Variants in AP5B1 observed in about 807,000 individuals in gnomAD.
The protein encoded by AP5B1 is adaptor related protein complex 5 subunit beta 1, also known as AP-5 complex subunit beta-1.
In AP5B1, 3 loss-of-function variants were observed where a neutral mutation model predicts 5.7. The observed-to-expected ratio is 0.53, with a 90% confidence interval of 0.24 to 1.36. AP5B1 has a LOEUF of 1.36. Ranked by LOEUF, AP5B1 falls within the 40% of genes most tolerant of loss-of-function variation. AP5B1 has a pLI of 0.17. For synonymous variants in AP5B1, 696 were observed against 555.5 expected (o/e 1.25, Z -3.56); for missense variants, 1,310 against 1,143.2 (o/e 1.15, Z -2.10).
chr11:65,779,172 GGTAGTGCC>G lies in AP5B1; in HGVS notation c.1313_1320del (p.Arg438ProfsTer74). On this transcript the variant is annotated frameshift_variant, in exon 2 of 2. Coordinates refer to ENST00000532090, the MANE Select transcript of AP5B1 (RefSeq NM_138368.5). LOFTEE classifies it low-confidence loss of function (END_TRUNC). ...CGCAAGCCAGCCAGCAGCTCTTCCAGGTAGTGCCGTGGGCTTGGAAGCTGGCCTTTCTC... is the reference window on the plus strand; with the variant it reads ...CGCAAGCCAGCCAGCAGCTCTTCCAGGTGGGCTTGGAAGCTGGCCTTTCTC... 6.2e-7 allele frequency: 1 copy of G among 1,611,572 alleles called. No homozygotes were observed. Among genetic ancestry groups the G allele is most frequent in the Non-Finnish European group, 8.5e-7 (1 of 1,179,234 alleles).
At position 65,780,110 on chromosome 11, in the gene AP5B1, G is replaced by T; in HGVS notation, c.383C>A (p.Ala128Asp). ...CRLLPLLLGL[A>D]AGSDLGRGFV... The stretch of plus-strand genomic sequence containing the variant: ...GCCTCGCCCCAGATCGCTACCCGCG[G>T]CCAGGCCGAGCAGTAGGGGCAGGAG... Residue 128 changes from alanine (A) to aspartate (D), a missense_variant, in exon 2 of 2, where the codon GCC becomes GAC. Ala to Asp is a moderately radical substitution (Grantham distance 126). Coordinates refer to ENST00000532090, the MANE Select transcript of AP5B1 (RefSeq NM_138368.5). The T allele has an allele frequency of 1.3e-6, 2 of 1,507,708 alleles. No individual in the cohort carries two copies. The highest frequency in any genetic ancestry group is 8.9e-7 in the Non-Finnish European group (1 of 1,127,258). 93.4% of individuals were successfully genotyped at this position (1,507,708 alleles called of 1,614,324 possible).
rs1316989946 is a variant in AP5B1 at position 65,779,248 on chromosome 11, G to A, written c.1245C>T (p.Arg415=). 4 of 1,594,184 alleles carry A rather than the reference G, an allele frequency of 2.5e-6. No homozygotes were observed. In the African/African-American group the frequency reaches 4.0e-5, roughly 16 times the overall value. Reference sequence around the variant, plus strand: ...CACAGAGCAGGCACAGTAAATGCAGGCGGGCCAGGAGGGCCATTGGGTCAT... The same window carrying A: ...CACAGAGCAGGCACAGTAAATGCAGACGGGCCAGGAGGGCCATTGGGTCAT... ...LLHDPMALLA[R]LHLLCLLCAE... is the part of the protein sequence containing the mutation. Residue 415 remains arginine (R), a synonymous_variant, in exon 2 of 2, where the codon CGC becomes CGT. Coordinates refer to ENST00000532090, the MANE Select transcript of AP5B1 (RefSeq NM_138368.5).
At chr11:65,780,394 G>A in intron 1 of AP5B1, 48 bp downstream of exon 1, 1 of 1,466,706 alleles carries the variant, frequency 6.8e-7, no homozygotes, top group Non-Finnish European at 9.0e-7. Flanking sequence ...TGACGCGGCG[G>A]GCTGGGGTGA....
chr11:65,780,247 CA>C lies in AP5B1; in HGVS notation c.245del (p.Leu82TrpfsTer76). ...CTGAGGGCCGCGGGGGTAGGAGGACCAAGGTGTCCAACAGGGAGGTGGCGGC... is the reference window on the plus strand; with the variant it reads ...CTGAGGGCCGCGGGGGTAGGAGGACCAGGTGTCCAACAGGGAGGTGGCGGC... ...EVAATSLLDTLVLLPPRPSAL... is the reference protein window; with the variant it reads ...EVAATSLLDTXVLLPPRPSAL... On this transcript the variant is annotated frameshift_variant, in exon 2 of 2. Coordinates refer to ENST00000532090, the MANE Select transcript of AP5B1 (RefSeq NM_138368.5). LOFTEE classifies it low-confidence loss of function (END_TRUNC). 1 of 1,513,064 alleles carries C rather than the reference CA, an allele frequency of 6.6e-7. No individual in the cohort carries two copies. Among genetic ancestry groups the C allele is most frequent in the Non-Finnish European group, 8.8e-7 (1 of 1,134,942 alleles). 93.7% of individuals were successfully genotyped at this position (1,513,064 alleles called of 1,614,324 possible).
chr11:65,775,331 T>C lies in AP5B1; in HGVS notation c.*2525A>G, dbSNP rs568372728. 7.2e-5 allele frequency among the ~76,000 whole-genome samples: 11 copies of C among 152,186 alleles called. No individual in the cohort carries two copies. Among genetic ancestry groups the C allele is most frequent in the Non-Finnish European group, 1.5e-4 (10 of 68,042 alleles). On this transcript the variant is annotated 3_prime_UTR_variant, in exon 2 of 2. Transcript: ENST00000532090. ...TCCTTACATGGACCAGTTTCCTTATTCTTAGGCTAAGGATTAGCATCTCCA... is the reference window on the plus strand; with the variant it reads ...TCCTTACATGGACCAGTTTCCTTATCCTTAGGCTAAGGATTAGCATCTCCA...
Position 65,773,902 on chromosome 11 carries a change from G to C in AP5B1, c.*3954C>G, listed in dbSNP as rs565736071. Among the ~76,000 whole-genome samples, 3 of 152,184 alleles carry C rather than the reference G, an allele frequency of 2.0e-5. No individual in the cohort carries two copies. Among genetic ancestry groups the C allele is most frequent in the Non-Finnish European group, 4.4e-5 (3 of 68,028 alleles). The stretch of plus-strand genomic sequence containing the variant: ...AACCAAAAACAAAAAACCTTGTGCA[G>C]TTAGAACATAGTTTATTCATAAGTT... On this transcript the variant is annotated 3_prime_UTR_variant, in exon 2 of 2. Coordinates refer to ENST00000532090, the MANE Select transcript of AP5B1 (RefSeq NM_138368.5).
rs1857812180 is a variant in AP5B1, at chr11:65,779,326, G to C, written c.1167C>G (p.Ala389=). 1 of 1,597,828 alleles carries C rather than the reference G, an allele frequency of 6.3e-7. No individual in the cohort carries two copies. The highest frequency in any genetic ancestry group is 2.2e-5 in the East Asian group (1 of 44,710). Residue 389 remains alanine, a synonymous_variant, in exon 2 of 2, where the codon GCC becomes GCG. Transcript: ENST00000532090. ...WPLGPEGEEA[A]PLLLGPQLCR... ...ATAGCTGGGGCCCTAGCAGCAGTGG[G>C]GCAGCCTCCTCACCTTCAGGGCCCA...
rs1404775102 is a variant in AP5B1, at chr11:65,779,328, C to T, written c.1165G>A (p.Ala389Thr). 6.3e-7 allele frequency: 1 copy of T among 1,596,776 alleles called. No individual in the cohort carries two copies. The highest frequency in any genetic ancestry group is 1.3e-5 in the African/African-American group (1 of 74,818). ...AGCTGGGGCCCTAGCAGCAGTGGGG[C>T]AGCCTCCTCACCTTCAGGGCCCAGC... ...WPLGPEGEEAAPLLLGPQLCR... is the reference protein window; with the variant it reads ...WPLGPEGEEATPLLLGPQLCR... The change falls in exon 2 of 2, where the codon GCC becomes ACC. Residue 389 changes from alanine (A) to threonine (T), a missense_variant. By Grantham distance (58) the Ala-to-Thr change is moderately conservative. Transcript: ENST00000532090.
At position 65,779,784 on chromosome 11, in the gene AP5B1, G is replaced by A. The variant is rs1339757941; in HGVS notation, c.709C>T (p.Pro237Ser). The A allele has an allele frequency of 5.0e-6, 8 of 1,584,574 alleles. No individual in the cohort carries two copies. The highest frequency in any genetic ancestry group is 6.9e-6 in the Non-Finnish European group (8 of 1,165,920). ...LVEEGDGRLQPQAPSWPAAEE... is the reference protein window; with the variant it reads ...LVEEGDGRLQSQAPSWPAAEE... ...GCTGCCGGCCAGCTGGGTGCCTGGG[G>A]CTGAAGGCGTCCATCGCCCTCCTCC... Residue 237 changes from proline (P) to serine (S), a missense_variant, in exon 2 of 2, where the codon CCC becomes TCC. Transcript: ENST00000532090.
Position 65,778,271 on chromosome 11 carries a change from T to C in AP5B1, c.2222A>G (p.His741Arg), listed in dbSNP as rs962947768. 5 of 1,613,064 alleles carry C rather than the reference T, an allele frequency of 3.1e-6. No individual in the cohort carries two copies. Among genetic ancestry groups the C allele is most frequent in the South Asian group, 1.1e-5 (1 of 91,094 alleles). Residue 741 changes from histidine (H) to arginine (R), a missense_variant, in exon 2 of 2, where the codon CAT (histidine) becomes CGT (arginine). Coordinates refer to ENST00000532090, the MANE Select transcript of AP5B1 (RefSeq NM_138368.5). Reference protein sequence around the residue: ...RCPAPARLDVHALYTTSTGLT... With the variant: ...RCPAPARLDVRALYTTSTGLT... ...ACCAGTGGATGTGGTGTAAAGGGCATGGACATCCAGCCGTGCGGGGGCCGG... is the reference window on the plus strand; with the variant it reads ...ACCAGTGGATGTGGTGTAAAGGGCACGGACATCCAGCCGTGCGGGGGCCGG...
At position 65,779,211 on chromosome 11, in the gene AP5B1, C is replaced by A. The variant is rs749879026; in HGVS notation, c.1282G>T (p.Glu428Ter). Reference sequence around the variant, plus strand: ...CTTGGAAGCTGGCCTTTCTCCTCTTCTTCCTCCTCGGCACAGAGCAGGCAC... The same window carrying A: ...CTTGGAAGCTGGCCTTTCTCCTCTTATTCCTCCTCGGCACAGAGCAGGCAC... ...LLCLLCAEEEEEEKGQLPSPR... is the reference protein window; with the variant it reads ...LLCLLCAEEE The change falls in exon 2 of 2, where the codon GAA (glutamate) becomes TAA (stop). Residue 428 changes from glutamate (E) to a stop codon, truncating the protein, a stop_gained. Coordinates refer to ENST00000532090, the MANE Select transcript of AP5B1 (RefSeq NM_138368.5). LOFTEE classifies it low-confidence loss of function (END_TRUNC). 1.4e-5 allele frequency: 23 copies of A among 1,605,102 alleles called. No homozygotes were observed. In the Admixed American group the frequency reaches 1.7e-4, roughly 12 times the overall value.
chr11:65,773,930 G>A lies in AP5B1; in HGVS notation c.*3926C>T, dbSNP rs772152705. ...AGAACATAGTTTATTCATAAGTTGG[G>A]GGCAGGGGAGGCGGGGCATGAAGGT... On this transcript the variant is annotated 3_prime_UTR_variant, in exon 2 of 2. Coordinates refer to ENST00000532090, the MANE Select transcript of AP5B1 (RefSeq NM_138368.5). Among the ~76,000 whole-genome samples, 5 of 152,176 alleles carry A rather than the reference G, an allele frequency of 3.3e-5. No individual in the cohort carries two copies. The highest frequency in any genetic ancestry group is 1.9e-4 in the East Asian group (1 of 5,204).
At position 65,777,761 on chromosome 11, in the gene AP5B1, C is replaced by A; in HGVS notation, c.*95G>T. The A allele has an allele frequency of 1.5e-6, 2 of 1,361,848 alleles. No individual in the cohort carries two copies. The highest frequency in any genetic ancestry group is 2.6e-4 in the Middle Eastern group (1 of 3,806). The allele number at this position is 1,361,848 out of a possible 1,614,324, so 84.4% of individuals were successfully genotyped here. ...CCAAAAGAAAACAAGCCAGCGAGGG[C>A]ACTGCGGAATGCAGGGTTTTGGCGA... On this transcript the variant is annotated 3_prime_UTR_variant, in exon 2 of 2. Transcript: ENST00000532090.
In AP5B1 at chr11:65,778,497, G is replaced by A. The variant is rs759823179; in HGVS notation, c.1996C>T (p.Leu666=). ...TTGACCCGATGGGACCCCAGGCTCA[G>A]CCGTACCAGGGCCGGTGCCTCCTGC... ...MVQEAPALVR[L]SLGSHRVKGP... Residue 666 remains leucine (L), a synonymous_variant, in exon 2 of 2, where the codon CTG becomes TTG. Coordinates refer to ENST00000532090, the MANE Select transcript of AP5B1 (RefSeq NM_138368.5). 3 of 1,573,214 alleles carry A rather than the reference G, an allele frequency of 1.9e-6. No homozygotes were observed. The South Asian group carries it at 3.5e-5, about 18-fold the overall frequency.
Position 65,780,669 on chromosome 11 carries a change from ACCCCGAGGGGCTGCGGTCACC to A in AP5B1, c.-99_-79del, listed in dbSNP as rs1857840337. The A allele has an allele frequency of 7.9e-7, 1 of 1,271,540 alleles. No homozygotes were observed. Among genetic ancestry groups the A allele is most frequent in the Non-Finnish European group, 1.0e-6 (1 of 1,004,962 alleles). 78.8% of individuals were successfully genotyped at this position (1,271,540 alleles called of 1,614,324 possible). A position where few individuals can be genotyped will look rare whatever the true frequency, so the allele number is the denominator to read the frequency against. On this transcript the variant is annotated 5_prime_UTR_variant, in exon 1 of 2. Transcript: ENST00000532090. ...ACCGGGAGCGCGGGGCCCGCTGCCG[ACCCCGAGGGGCTGCGGTCACC>A]CCCAGACGCCGCGCAGATGCCGGCG...
In AP5B1 at chr11:65,779,912, C is replaced by A. The variant is rs1422971162; in HGVS notation, c.581G>T (p.Arg194Leu). 3 of 1,591,338 alleles carry A rather than the reference C, an allele frequency of 1.9e-6. No individual in the cohort carries two copies. The highest frequency in any genetic ancestry group is 2.7e-5 in the African/African-American group (2 of 74,402). ...CCGGGACTGGAGCACCAAGGTGTTG[C>A]GCAAAGCGAGGGCCAGCAACAGGCT... ...PLSLLLALAL[R>L]NTLVLQSRVG... The change falls in exon 2 of 2, where the codon CGC becomes CTC. Residue 194 changes from arginine to leucine, a missense_variant. By Grantham distance (102) the Arg-to-Leu change is moderately radical (BLOSUM62 -2). Transcript: ENST00000532090.
At position 65,779,841 on chromosome 11, in the gene AP5B1, T is replaced by G. The variant is rs199810942; in HGVS notation, c.652A>C (p.Thr218Pro). 6.3e-7 allele frequency: 1 copy of G among 1,594,630 alleles called. No individual in the cohort carries two copies. The highest frequency in any genetic ancestry group is 1.1e-5 in the South Asian group (1 of 88,630). The part of the protein sequence containing the change: ...GGLLTDKVSP[T>P]GGGPWDWTLV... ...GTCCAATCCCAGGGACCACCCCCAG[T>G]TGGGGAGACCTTATCCGTGAGCAGT... The change falls in exon 2 of 2, where the codon ACT becomes CCT. Residue 218 changes from threonine (T) to proline (P), a missense_variant. Physicochemically the swap from Thr to Pro is conservative, Grantham distance 38. Transcript: ENST00000532090.
chr11:65,780,599 C>G lies in AP5B1; in HGVS notation c.-8G>C. On this transcript the variant is annotated 5_prime_UTR_variant, in exon 1 of 2. Transcript: ENST00000532090. ...CCGGCTCAGGGGCCCCATGGTGAGG[C>G]GCGCGGGCCCCTGCGCAGGGAAGAG... 2 of 1,423,056 alleles carry G rather than the reference C, an allele frequency of 1.4e-6. No homozygotes were observed. Among genetic ancestry groups the G allele is most frequent in the Non-Finnish European group, 1.8e-6 (2 of 1,090,352 alleles). The allele number at this position is 1,423,056 out of a possible 1,614,324, so 88.2% of individuals were successfully genotyped here. A position where few individuals can be genotyped will look rare whatever the true frequency, so the allele number is the denominator to read the frequency against.
In AP5B1 at chr11:65,780,866, C is replaced by A; in HGVS notation, c.-275G>T. The A allele has an allele frequency of 3.7e-6, 1 of 271,580 alleles. No individual in the cohort carries two copies. Among genetic ancestry groups the A allele is most frequent in the Non-Finnish European group, 6.8e-6 (1 of 146,024 alleles). 16.8% of individuals were successfully genotyped at this position (271,580 alleles called of 1,614,324 possible). ...GGCCGCCTCCCTCCCGCCCGCGGCCCGCACCGAAACCACAGCGCCACCCCG... is the reference window on the plus strand; with the variant it reads ...GGCCGCCTCCCTCCCGCCCGCGGCCAGCACCGAAACCACAGCGCCACCCCG... On this transcript the variant is annotated 5_prime_UTR_variant, in exon 1 of 2. Transcript: ENST00000532090.
Sources: gnomAD v4.1 joint callset for allele counts (sites outside exome capture counted in the v4.1 genomes callset) on GRCh38, gnomAD v4.1.1 for gene constraint, MANE v1.5 for transcripts, NCBI Gene and HGNC (gene_info 2026-07-23, HGNC 2026-07-21) for gene names.